The following EML6 variants were observed in gnomAD, a reference collection of about 807,000 sequenced individuals.
EML6 encodes echinoderm microtubule-associated protein-like 6.
A neutral mutation model predicts 240.1 loss-of-function variants in EML6; 154 were observed. The ratio of observed to expected loss-of-function variants is 0.64; its 90% CI spans 0.56 to 0.73. The LOEUF (loss-of-function observed/expected upper bound fraction) is 0.73. Among genes scored for constraint, EML6 ranks in the 30% least tolerant of loss-of-function variants. EML6 has a pLI of 0.00. For synonymous variants in EML6, 1,148 were observed against 899.0 expected (o/e 1.28, Z -4.95); for missense variants, 2,964 against 2,474.6 (o/e 1.20, Z -4.20).
chr2:54,809,233 G>A (rs957442359), intron 2 of EML6, among the ~76,000 whole-genome samples: 6 of 152,140 alleles, frequency 3.9e-5, no homozygotes, highest in African/African-American at 1.2e-4. Context: ...TAAATATATG[G>A]ACTCTCAATA....
At chr2:54,735,787 G>A (rs168508) in intron 2 of EML6, among the ~76,000 whole-genome samples, 1 of 152,138 alleles carries the variant, frequency 6.6e-6, no homozygotes, top group African/African-American at 2.4e-5. Context: ...AAAATCTGTT[G>A]AAGTGTTTAT....
intron 22 of EML6, 30 bp from the exon 23 acceptor site, chr2:54,903,014 A>T (rs189254018): frequency 6.5e-7 from 1 of 1,544,718 alleles, no homozygotes; most frequent in East Asian, 2.4e-5. Context: ...AGTTTTGGAT[A>T]ATAAGTGTTT....
At chr2:54,802,656 A>ACTACTACTACTACTACTG (rs1572921723) in intron 2 of EML6, among the ~76,000 whole-genome samples, 1 of 127,782 alleles carries the variant, frequency 7.8e-6, no homozygotes, top group African/African-American at 2.7e-5. Context: ...TACTACTACT[A>ACTACTACTACTACTACTG]CTACTACTAC....
rs543182649 is a variant in EML6 at position 54,904,352 on chromosome 2, G to A, written c.3409+850G>A. 7.4e-4 allele frequency among the ~76,000 whole-genome samples: 112 copies of A among 152,274 alleles called. 2 individuals carry two copies. Among genetic ancestry groups the A allele is most frequent in the African/African-American group, 2.7e-3 (111 of 41,546 alleles). On this transcript the variant is annotated intron_variant, in intron 24 of 41. Transcript: ENST00000356458. ...ACTCGGCTGATGTTGAGAGTCTGGAGCGGGTACTTGGGAATGGACAGCATT... is the reference window on the plus strand; with the variant it reads ...ACTCGGCTGATGTTGAGAGTCTGGAACGGGTACTTGGGAATGGACAGCATT...
At chr2:54,742,389 T>C (rs1053667236) in intron 2 of EML6, among the ~76,000 whole-genome samples, 1 of 152,204 alleles carries the variant, frequency 6.6e-6, no homozygotes, top group African/African-American at 2.4e-5. Context: ...GTCTCTGGAA[T>C]CTGAATTTGT....
chr2:54,951,737 GTTCT>G (rs1675991851), intron 30 of EML6, among the ~76,000 whole-genome samples: 1 of 150,292 alleles, frequency 6.7e-6, no homozygotes, highest in Non-Finnish European at 1.5e-5. Context: ...TTAAATTTTT[GTTCT>G]TTGTCAATTC....
rs183937076 is a variant in EML6 at position 54,829,257 on chromosome 2, A to G, written c.712-85A>G. 3.3e-4 allele frequency: 442 copies of G among 1,328,632 alleles called. 3 individuals carry two copies. In the Admixed American group the frequency reaches 9.2e-3, roughly 28 times the overall value. 82.3% of individuals were successfully genotyped at this position (1,328,632 alleles called of 1,614,324 possible). A position where few individuals can be genotyped will look rare whatever the true frequency, so the allele number is the denominator to read the frequency against. On this transcript the variant is annotated intron_variant, in intron 6 of 41. Transcript: ENST00000356458. Reference sequence around the variant, plus strand: ...GTTTTATTTTTGTTTTTGACTTGCTATGTTTTTAAATCAACATTCAACTGT... The same window carrying G: ...GTTTTATTTTTGTTTTTGACTTGCTGTGTTTTTAAATCAACATTCAACTGT...
In EML6 at chr2:54,746,375, G is replaced by A. The variant is rs536628362; in HGVS notation, c.197+21117G>A. 4.6e-5 allele frequency among the ~76,000 whole-genome samples: 7 copies of A among 152,310 alleles called. No homozygotes were observed. In the South Asian group the frequency reaches 1.5e-3, roughly 32 times the overall value. ...AAGAGGACATATCTGCTTTGATGGA[G>A]CAACAAGTCAGAGGTTTGAAAATCT... On this transcript the variant is annotated intron_variant, in intron 2 of 41. Coordinates refer to ENST00000356458, the MANE Select transcript of EML6 (RefSeq NM_001039753.4).
rs148431774 is a variant in EML6 at position 54,959,293 on chromosome 2, C to G, written c.4853+32C>G. 2.7e-6 allele frequency: 4 copies of G among 1,482,890 alleles called. No homozygotes were observed. The Admixed American group carries it at 9.9e-5, about 37-fold the overall frequency. 91.9% of individuals were successfully genotyped at this position (1,482,890 alleles called of 1,614,324 possible). ...CAAAGCTCCTATGGAAACAACTTGT[C>G]GTTTGTTGTTATCTTGGGAGAAACT... On this transcript the variant is annotated intron_variant, in intron 34 of 41. Coordinates refer to ENST00000356458, the MANE Select transcript of EML6 (RefSeq NM_001039753.4).
Position 54,866,878 on chromosome 2 carries a change from T to C in EML6, c.2045T>C (p.Ile682Thr). The C allele has an allele frequency of 1.3e-6, 2 of 1,546,882 alleles. No individual in the cohort carries two copies. Among genetic ancestry groups the C allele is most frequent in the Admixed American group, 2.0e-5 (1 of 50,982 alleles). Residue 682 changes from isoleucine (I) to threonine (T), a missense_variant, in exon 14 of 42, where the codon ATA becomes ACA. Coordinates refer to ENST00000356458, the MANE Select transcript of EML6 (RefSeq NM_001039753.4). The stretch of plus-strand genomic sequence containing the variant: ...GAGGACAGCTTGAAACTCCAGTTCA[T>C]ACACGGGTGGGTGGCCTGTCATGGG... ...APEDSLKLQFIHGYRGYDCRN... is the reference protein window; with the variant it reads ...APEDSLKLQFTHGYRGYDCRN...
intron 7 of EML6, among the ~76,000 whole-genome samples, chr2:54,840,551 A>G (rs897887344): frequency 6.6e-6 from 1 of 152,194 alleles, no homozygotes; most frequent in Non-Finnish European, 1.5e-5. Flanking sequence ...ACTGTCAGGC[A>G]CAGAGTAGTG....
chr2:54,846,310 T>C (rs550976302), intron 8 of EML6, among the ~76,000 whole-genome samples: 38 of 152,246 alleles, frequency 2.5e-4, no homozygotes, highest in African/African-American at 8.9e-4. Context: ...CTGTGTGTGC[T>C]GAAATAACTA....
At chr2:54,871,381 G>A (rs566647134) in intron 15 of EML6, 119 bp from the exon 16 acceptor site, 1 of 714,612 alleles carries the variant, frequency 1.4e-6, no homozygotes, top group Non-Finnish European at 2.4e-6. Context: ...GATTTCCTAG[G>A]GTCCTTCTAT....
Position 54,916,855 on chromosome 2 carries a change from G to A in EML6, c.3595G>A (p.Ala1199Thr), listed in dbSNP as rs1229459122. 5.2e-6 allele frequency: 8 copies of A among 1,550,976 alleles called. No homozygotes were observed. The highest frequency in any genetic ancestry group is 6.1e-6 in the Non-Finnish European group (7 of 1,146,402). ...AHSDITDVNA[A>T]SLTKDCSLLA... The stretch of plus-strand genomic sequence containing the variant: ...TAGCGATATAACTGACGTAAATGCT[G>A]CCAGTCTTACCAAAGACTGTTCCCT... Residue 1199 changes from alanine (A) to threonine (T), a missense_variant, in exon 26 of 42, where the codon GCC (alanine) becomes ACC (threonine). By Grantham distance (58) the Ala-to-Thr change is moderately conservative (BLOSUM62 0). Coordinates refer to ENST00000356458, the MANE Select transcript of EML6 (RefSeq NM_001039753.4).
chr2:54,878,840 T>C (rs991748702), intron 16 of EML6, among the ~76,000 whole-genome samples: 1 of 152,214 alleles, frequency 6.6e-6, no homozygotes, highest in Non-Finnish European at 1.5e-5. Context: ...TTCATTATTA[T>C]TCTGGTATTG....
chr2:54,815,807 T>G lies in EML6; in HGVS notation c.358-980T>G, dbSNP rs180737446. Among the ~76,000 whole-genome samples the G allele has an allele frequency of 2.4e-4, 37 of 152,354 alleles. 2 individuals are homozygous for G. The East Asian group carries it at 5.8e-3, about 24-fold the overall frequency. ...ATACATTTAACCATATGTGGCTGTC[T>G]GTTTCATCCACACTGTGAGTGTGCA... On this transcript the variant is annotated intron_variant, in intron 3 of 41. Transcript: ENST00000356458.
intron 2 of EML6, among the ~76,000 whole-genome samples, chr2:54,801,206 G>A (rs1394853376): frequency 2.6e-5 from 4 of 151,736 alleles, no homozygotes; most frequent in Non-Finnish European, 4.4e-5. Flanking sequence ...TGTAGTCCCA[G>A]ATCCTCGGGA....
At chr2:54,895,792 GGCTGTTGGCCAGAGGCCATTTTCA>G (rs1672731765) in intron 21 of EML6, among the ~76,000 whole-genome samples, 1 of 151,876 alleles carries the variant, frequency 6.6e-6, no homozygotes, top group African/African-American at 2.4e-5. Flanking sequence ...TTTTCTTGCT[GGCTGTTGGCCAGAGGCCATTTTCA>G]GCTCCCAGAG....
intron 2 of EML6, among the ~76,000 whole-genome samples, chr2:54,787,501 T>C (rs1572895782): frequency 6.6e-6 from 1 of 152,196 alleles, no homozygotes; most frequent in African/African-American, 2.4e-5. Flanking sequence ...AGTATGTTTG[T>C]CTGTAAAGAG....
Sources: gnomAD v4.1 joint callset for allele counts (sites outside exome capture counted in the v4.1 genomes callset) on GRCh38, gnomAD v4.1.1 for gene constraint, MANE v1.5 for transcripts, NCBI Gene and HGNC (gene_info 2026-07-23, HGNC 2026-07-21) for gene names.